The following IMMP2L variants were observed in gnomAD, a reference collection of about 807,000 sequenced individuals.
The protein encoded by IMMP2L is mitochondrial inner membrane protease subunit 2.
IMMP2L carries 18 observed loss-of-function variants against 19.3 expected under a neutral mutation model. The observed-to-expected ratio is 0.93, with a 90% CI of 0.64 to 1.38. IMMP2L has a LOEUF of 1.38. Among genes scored for constraint, IMMP2L ranks in the 40% most tolerant of loss-of-function variants. IMMP2L has a pLI of 0.00. For synonymous variants in IMMP2L, 76 were observed against 73.0 expected, an observed-to-expected ratio of 1.04 and a Z score of -0.21; for missense variants, 233 against 218.2, an observed-to-expected ratio of 1.07 and a Z score of -0.43.
At chr7:110,842,549 CGT>C (rs1042118145) in intron 5 of IMMP2L, among the ~76,000 whole-genome samples, 1 of 152,120 alleles carries the variant, frequency 6.6e-6, no homozygotes. Flanking sequence ...TATTGTTGTA[CGT>C]GGCAGCTTAT....
chr7:111,467,272 T>G (rs1254521522), intron 3 of IMMP2L, among the ~76,000 whole-genome samples: 1 of 152,154 alleles, frequency 6.6e-6, no homozygotes, highest in African/African-American at 2.4e-5. Context: ...TTGGAAAGAT[T>G]AAATGAGGTA....
At chr7:111,481,216 T>C (rs1411369528) in intron 3 of IMMP2L, among the ~76,000 whole-genome samples, 2 of 152,106 alleles carry the variant, frequency 1.3e-5, no homozygotes, top group East Asian at 3.9e-4. Context: ...AACCACTGTA[T>C]CAGAAATTCA....
chr7:111,367,554 T>C (rs1034243076), intron 3 of IMMP2L, among the ~76,000 whole-genome samples: 1 of 151,946 alleles, frequency 6.6e-6, no homozygotes, highest in African/African-American at 2.4e-5. Context: ...ATTTATTGCT[T>C]ACTAAATGCC....
chr7:110,796,932 C>T (rs1240646646), intron 5 of IMMP2L, among the ~76,000 whole-genome samples: 1 of 152,032 alleles, frequency 6.6e-6, no homozygotes, highest in African/African-American at 2.4e-5. Flanking sequence ...ATTGCGACCT[C>T]AGCAAGTATT....
At chr7:110,839,269 T>C (rs967566578) in intron 5 of IMMP2L, among the ~76,000 whole-genome samples, 18 of 152,104 alleles carry the variant, frequency 1.2e-4, no homozygotes, top group African/African-American at 4.3e-4. Flanking sequence ...GAATGAACAT[T>C]AGTAGAAACA....
chr7:110,767,252 A>G (rs552737618), intron 5 of IMMP2L, among the ~76,000 whole-genome samples: 1 of 152,288 alleles, frequency 6.6e-6, no homozygotes, highest in African/African-American at 2.4e-5. Context: ...CAAAATGGAA[A>G]AGATTGATGA....
chr7:111,036,318 C>A (rs1274098173), intron 3 of IMMP2L, among the ~76,000 whole-genome samples: 3 of 152,150 alleles, frequency 2.0e-5, no homozygotes, highest in African/African-American at 4.8e-5. Flanking sequence ...TCTATCTAGG[C>A]CTCCCAGAAA....
At chr7:111,237,690 T>TA (rs925787012) in intron 3 of IMMP2L, among the ~76,000 whole-genome samples, 1,770 of 146,158 alleles carry the variant, frequency 0.012, 33 homozygotes, top group African/African-American at 0.037. Context: ...TCTGTTTCTT[T>TA]AAAAAAAAAA....
chr7:111,207,557 T>TTTTTG (rs1562927067), intron 3 of IMMP2L, among the ~76,000 whole-genome samples: 1 of 120,790 alleles, frequency 8.3e-6, no homozygotes, highest in Admixed American at 8.7e-5. Context: ...TTTTTTTTTT[T>TTTTTG]GAGACAGAAT....
At chr7:111,059,915 C>A (rs1793863254) in intron 3 of IMMP2L, among the ~76,000 whole-genome samples, 1 of 132,712 alleles carries the variant, frequency 7.5e-6, no homozygotes, top group African/African-American at 2.7e-5. Flanking sequence ...AATTATATGC[C>A]TAATTGTGAA....
At chr7:110,904,936 A>G (rs1287534656) in intron 4 of IMMP2L, among the ~76,000 whole-genome samples, 1 of 152,186 alleles carries the variant, frequency 6.6e-6, no homozygotes, top group Non-Finnish European at 1.5e-5. Context: ...ATCAAAAATC[A>G]TCCCACTTAG....
chr7:111,530,996 A>G (rs183876213), intron 1 of IMMP2L, among the ~76,000 whole-genome samples: 3,399 of 150,402 alleles, frequency 0.023, 137 homozygotes, highest in African/African-American at 0.079. Flanking sequence ...TTGCTCTGTC[A>G]CCCAGGCTGG....
At chr7:110,947,731 A>T (rs1034810020) in intron 4 of IMMP2L, among the ~76,000 whole-genome samples, 3 of 152,206 alleles carry the variant, frequency 2.0e-5, no homozygotes, top group Non-Finnish European at 4.4e-5. Flanking sequence ...TGTAAAATTG[A>T]AATCTAGGCT....
intron 3 of IMMP2L, among the ~76,000 whole-genome samples, chr7:111,363,170 T>C (rs1829423637): frequency 6.6e-6 from 1 of 152,116 alleles, no homozygotes; most frequent in Admixed American, 6.6e-5. Context: ...GCATTTATTA[T>C]AAAATTATTG....
chr7:110,922,813 C>T (rs1245140748), intron 4 of IMMP2L, among the ~76,000 whole-genome samples: 4 of 152,118 alleles, frequency 2.6e-5, no homozygotes, highest in Admixed American at 6.6e-5. Flanking sequence ...AACTGTTTCT[C>T]GCTAAAGTCT....
At chr7:111,241,146 CA>C (rs1467196558) in intron 3 of IMMP2L, among the ~76,000 whole-genome samples, 1 of 151,658 alleles carries the variant, frequency 6.6e-6, no homozygotes, top group African/African-American at 2.4e-5. Context: ...ATCTTACTTT[CA>C]AAAAACTATT....
intron 3 of IMMP2L, among the ~76,000 whole-genome samples, chr7:111,202,026 A>G (rs1192475098): frequency 6.6e-6 from 1 of 152,304 alleles, no homozygotes. Flanking sequence ...ACCAAGCCAC[A>G]TGCAAAACTA....
chr7:110,698,804 G>T (rs1227064420), intron 5 of IMMP2L, among the ~76,000 whole-genome samples: 1 of 152,164 alleles, frequency 6.6e-6, no homozygotes, highest in Non-Finnish European at 1.5e-5. Flanking sequence ...GTCATCACTT[G>T]CAAGTCTTTC....
intron 1 of IMMP2L, among the ~76,000 whole-genome samples, chr7:111,535,824 T>C (rs1415496833): frequency 2.6e-5 from 4 of 152,064 alleles, no homozygotes; most frequent in Non-Finnish European, 5.9e-5. Flanking sequence ...AAGAATGCTG[T>C]GGGGCCCTGG....
Sources: allele counts gnomAD v4.1 joint callset (sites outside exome capture counted in the v4.1 genomes callset), GRCh38; gene constraint gnomAD v4.1.1; transcripts MANE v1.5; gene names NCBI Gene and HGNC (gene_info 2026-07-23, HGNC 2026-07-21).